Variants in PLCB1 observed in about 807,000 individuals in gnomAD.
The protein encoded by PLCB1 is 1-phosphatidylinositol 4,5-bisphosphate phosphodiesterase beta-1.
In PLCB1, 46 loss-of-function variants were observed where a neutral mutation model predicts 161.8. The observed-to-expected ratio is 0.28, with a 90% CI of 0.22 to 0.36. The LOEUF (loss-of-function observed/expected upper bound fraction) is 0.36. Ranked by LOEUF, PLCB1 falls within the 10% of genes least tolerant of loss-of-function variation. The pLI is 1.00. For missense variants in PLCB1, 1,016 were observed against 1,472.5 expected (o/e 0.69, Z 5.07); for synonymous variants, 517 against 503.7 (o/e 1.03, Z -0.35).
At chr20:8,757,016 T>C (rs1187871459) in intron 23 of PLCB1, 30 bp from the exon 24 acceptor site, 3 of 1,562,558 alleles carry the variant, frequency 1.9e-6, no homozygotes, top group Non-Finnish European at 2.6e-6. Context: ...AAAAGAAATG[T>C]GGAAAATGAA....
chr20:8,417,259 TGTATTTTTA>T (rs2122533034), intron 3 of PLCB1, among the ~76,000 whole-genome samples: 1 of 150,802 alleles, frequency 6.6e-6, no homozygotes, highest in South Asian at 2.1e-4. Flanking sequence ...GCTAATTTTT[TGTATTTTTA>T]GTGGAGACAG....
intron 3 of PLCB1, among the ~76,000 whole-genome samples, chr20:8,542,110 A>G (rs1235944198): frequency 2.6e-5 from 4 of 152,278 alleles, no homozygotes; most frequent in Admixed American, 1.3e-4. Context: ...CTTTCTCACC[A>G]CAAGGCTATG....
At chr20:8,814,972 T>G (rs1985014469) in intron 31 of PLCB1, among the ~76,000 whole-genome samples, 1 of 152,184 alleles carries the variant, frequency 6.6e-6, no homozygotes, top group African/African-American at 2.4e-5. Flanking sequence ...ATGAGCAGAC[T>G]TGATTGTGTC....
At chr20:8,511,030 A>G (rs1983865826) in intron 3 of PLCB1, among the ~76,000 whole-genome samples, 1 of 152,056 alleles carries the variant, frequency 6.6e-6, no homozygotes, top group South Asian at 2.1e-4. Flanking sequence ...AGCAATTTTG[A>G]AATATATATT....
intron 3 of PLCB1, among the ~76,000 whole-genome samples, chr20:8,606,406 G>A (rs916726613): frequency 3.9e-5 from 6 of 152,082 alleles, no homozygotes; most frequent in African/African-American, 1.4e-4. Context: ...TCTAAAAGAA[G>A]AAAGCCAGTA....
At chr20:8,538,124 G>A (rs1474534771) in intron 3 of PLCB1, among the ~76,000 whole-genome samples, 1 of 152,134 alleles carries the variant, frequency 6.6e-6, no homozygotes, top group Non-Finnish European at 1.5e-5. Flanking sequence ...ATTTGCTCTA[G>A]GGGATTAATA....
chr20:8,787,683 CACTT>C (rs1983555174), intron 27 of PLCB1, among the ~76,000 whole-genome samples: 1 of 152,236 alleles, frequency 6.6e-6, no homozygotes, highest in Non-Finnish European at 1.5e-5. Flanking sequence ...AATTGGCAAA[CACTT>C]ACTGGGCATC....
At chr20:8,541,574 A>AAGAAAGAAAGAAAGAG (rs1568500317) in intron 3 of PLCB1, among the ~76,000 whole-genome samples, 9 of 149,174 alleles carry the variant, frequency 6.0e-5, no homozygotes, top group Admixed American at 2.7e-4. Context: ...GAAAGAAAGA[A>AAGAAAGAAAGAAAGAG]AGAAAGAAAG....
chr20:8,273,216 A>G (rs1170547173), intron 2 of PLCB1, among the ~76,000 whole-genome samples: 3 of 152,186 alleles, frequency 2.0e-5, no homozygotes, highest in African/African-American at 7.2e-5. Context: ...GCGAGTAACC[A>G]AATCTATATT....
intron 3 of PLCB1, among the ~76,000 whole-genome samples, chr20:8,550,331 A>G (rs980412088): frequency 6.6e-6 from 1 of 152,140 alleles, no homozygotes. Flanking sequence ...CATGAATTGT[A>G]ATAATCCCCA....
At chr20:8,150,021 G>C (rs969845396) in intron 1 of PLCB1, among the ~76,000 whole-genome samples, 2 of 151,966 alleles carry the variant, frequency 1.3e-5, no homozygotes, top group African/African-American at 4.8e-5. Flanking sequence ...GCTAAATATA[G>C]ATTTTTAATA....
chr20:8,834,830 A>T (rs1001403017), intron 31 of PLCB1, among the ~76,000 whole-genome samples: 3 of 123,444 alleles, frequency 2.4e-5, no homozygotes, highest in Admixed American at 1.7e-4. Context: ...AAAAAAAAAA[A>T]AAAAAAACCA....
intron 3 of PLCB1, among the ~76,000 whole-genome samples, chr20:8,498,126 TC>T (rs1297133058): frequency 2.0e-5 from 3 of 152,078 alleles, no homozygotes; most frequent in Non-Finnish European, 4.4e-5. Flanking sequence ...TGAGATAGAG[TC>T]TTGCTCTGTT....
intron 9 of PLCB1, among the ~76,000 whole-genome samples, chr20:8,683,657 A>T (rs990396057): frequency 2.6e-5 from 4 of 152,186 alleles, no homozygotes; most frequent in Non-Finnish European, 4.4e-5. Context: ...AATTTTGTCA[A>T]TATTTAGTAT....
intron 3 of PLCB1, among the ~76,000 whole-genome samples, chr20:8,407,067 T>G (rs561971232): frequency 1.4e-4 from 21 of 152,348 alleles, no homozygotes; most frequent in African/African-American, 4.8e-4. Flanking sequence ...ATATTTTAAC[T>G]GTTACACATA....
rs1267640483 is a variant in PLCB1 at position 8,741,558 on chromosome 20, A to C, written c.2508A>C (p.Glu836Asp). ...CTGCTTTGACACTGGAAGATGAAGA[A>C]GAAGTAAAGAAAGAGGTGAGAGGGT... Reference protein sequence around the residue: ...QLAALTLEDEEEVKKEADPGE... With the variant: ...QLAALTLEDEDEVKKEADPGE... The change falls in exon 23 of 32, where the codon GAA becomes GAC. Residue 836 changes from glutamate (E) to aspartate (D), a missense_variant. Glu to Asp is a conservative substitution (Grantham distance 45). Transcript: ENST00000338037. 1 of 1,610,208 alleles carries C rather than the reference A, an allele frequency of 6.2e-7. No individual in the cohort carries two copies. The highest frequency in any genetic ancestry group is 1.3e-5 in the African/African-American group (1 of 75,016).
At chr20:8,544,279 T>C (rs1273209662) in intron 3 of PLCB1, among the ~76,000 whole-genome samples, 1 of 152,226 alleles carries the variant, frequency 6.6e-6, no homozygotes, top group African/African-American at 2.4e-5. Context: ...TATGTGAGCA[T>C]GTGCAAGATT....
intron 27 of PLCB1, among the ~76,000 whole-genome samples, chr20:8,780,221 C>A (rs1450827969): frequency 6.6e-6 from 1 of 152,132 alleles, no homozygotes; most frequent in Non-Finnish European, 1.5e-5. Context: ...ACCTGAGGGT[C>A]CCCAATCACT....
chr20:8,439,074 T>G (rs992448999), intron 3 of PLCB1, among the ~76,000 whole-genome samples: 1 of 152,194 alleles, frequency 6.6e-6, no homozygotes, highest in African/African-American at 2.4e-5. Flanking sequence ...CTTTCTACAT[T>G]GTGAAGTTCT....
Sources: allele counts gnomAD v4.1 joint callset (sites outside exome capture counted in the v4.1 genomes callset), GRCh38; gene constraint gnomAD v4.1.1; transcripts MANE v1.5; gene names NCBI Gene and HGNC (gene_info 2026-07-23, HGNC 2026-07-21).